Variants in DPY19L3 observed in about 807,000 individuals in gnomAD.
The protein encoded by DPY19L3 is dpy-19 like C-mannosyltransferase 3.
A neutral mutation model predicts 92.3 loss-of-function variants in DPY19L3; 51 were observed. The observed-to-expected ratio is 0.55, with a 90% CI of 0.44 to 0.70. DPY19L3 has a LOEUF of 0.70. DPY19L3 is among the 30% of genes least tolerant of loss of function. The pLI, the probability that DPY19L3 is intolerant of heterozygous loss-of-function variation, is 0.00. For missense variants in DPY19L3, 706 were observed against 855.9 expected, an observed-to-expected ratio of 0.82 and a Z score of 2.18; for synonymous variants, 309 against 315.2, an observed-to-expected ratio of 0.98 and a Z score of 0.21.
Position 32,454,950 on chromosome 19 carries a change from A to T in DPY19L3, c.999A>T (p.Lys333Asn). Residue 333 changes from lysine (K) to asparagine (N), a missense_variant, in exon 10 of 19, where the codon AAA (lysine) becomes AAT (asparagine). Lys to Asn is a moderately conservative substitution (Grantham distance 94). Coordinates refer to ENST00000392250, the MANE Select transcript of DPY19L3 (RefSeq NM_001172774.2). ...FIARKLQKNL[K>N]TGSFLNRLGK... ...CTTTTAATTTCTAGAAAAATCTGAA[A>T]ACTGGAAGCTTCCTTAATAGGCTTG... 1 of 1,560,476 alleles carries T rather than the reference A, an allele frequency of 6.4e-7. No individual in the cohort carries two copies. Among genetic ancestry groups the T allele is most frequent in the Non-Finnish European group, 8.6e-7 (1 of 1,161,704 alleles).
At chr19:32,470,965 A>G (rs530200640) in intron 16 of DPY19L3, among the ~76,000 whole-genome samples, 2 of 152,256 alleles carry the variant, frequency 1.3e-5, no homozygotes, top group East Asian at 3.9e-4. Context: ...TGATGAATGT[A>G]TGCCAAAATA....
At chr19:32,477,713 C>T in intron 17 of DPY19L3, 59 bp downstream of exon 17, 1 of 1,603,706 alleles carries the variant, frequency 6.2e-7, no homozygotes, top group Non-Finnish European at 8.5e-7. Context: ...CTGCGTGTCC[C>T]TATGTGTGGT....
chr19:32,445,383 G>A (rs1422883942), intron 8 of DPY19L3, among the ~76,000 whole-genome samples: 1 of 126,148 alleles, frequency 7.9e-6, no homozygotes, highest in Non-Finnish European at 1.6e-5. Flanking sequence ...GGAGCTTGCA[G>A]TGAGTCTAGA....
At chr19:32,435,656 G>C (rs1969114169) in intron 4 of DPY19L3, among the ~76,000 whole-genome samples, 1 of 152,224 alleles carries the variant, frequency 6.6e-6, no homozygotes, top group Non-Finnish European at 1.5e-5. Context: ...CAGTAGGTGA[G>C]AACTAGCATC....
intron 18 of DPY19L3, chr19:32,481,139 G>A (rs765109587): frequency 3.0e-5 from 6 of 198,736 alleles, no homozygotes; most frequent in Admixed American, 1.8e-4. Context: ...GCTATGCCAG[G>A]TCTCAGTAGA....
At chr19:32,410,826 GC>G (rs1446861723) in intron 2 of DPY19L3, among the ~76,000 whole-genome samples, 2 of 152,122 alleles carry the variant, frequency 1.3e-5, no homozygotes, top group Non-Finnish European at 2.9e-5. Flanking sequence ...TTTTAAAATA[GC>G]TTTTAAAGAA....
intron 5 of DPY19L3, 70 bp from the exon 6 acceptor site, chr19:32,437,124 C>A: frequency 1.3e-6 from 2 of 1,579,288 alleles, no homozygotes; most frequent in South Asian, 2.3e-5. Context: ...TTCCTACTGT[C>A]ATGTTTTAAA....
At chr19:32,406,318 GC>G (rs1967945648) in intron 1 of DPY19L3, 1 of 152,358 alleles carries the variant, frequency 6.6e-6, no homozygotes, top group Admixed American at 6.5e-5. Flanking sequence ...CGGACCCGGT[GC>G]CTGCCTCGTC....
chr19:32,451,052 A>T (rs1428244914), intron 8 of DPY19L3, among the ~76,000 whole-genome samples: 3 of 152,324 alleles, frequency 2.0e-5, no homozygotes, highest in East Asian at 1.9e-4. Context: ...TATGTAACTA[A>T]TCAGACAATT....
chr19:32,447,555 A>G (rs1358166753), intron 8 of DPY19L3, among the ~76,000 whole-genome samples: 1 of 152,032 alleles, frequency 6.6e-6, no homozygotes, highest in Non-Finnish European at 1.5e-5. Context: ...TGTCTCTACT[A>G]AAAATAGAAA....
intron 8 of DPY19L3, among the ~76,000 whole-genome samples, chr19:32,445,890 A>C (rs577542082): frequency 6.6e-6 from 1 of 151,970 alleles, no homozygotes; most frequent in Non-Finnish European, 1.5e-5. Context: ...AATCCCAGCT[A>C]CTCAGGAGGC....
In DPY19L3 at chr19:32,456,672, T is replaced by A. The variant is rs530446425; in HGVS notation, c.1090-1428T>A. On this transcript the variant is annotated intron_variant, in intron 10 of 18. Coordinates refer to ENST00000392250, the MANE Select transcript of DPY19L3 (RefSeq NM_001172774.2). ...TGGTCTCAAACACCTGGGCTCAAGG[T>A]ATGCTCCCACTTCAGCCTCCCACAG... is the stretch of plus-strand genomic sequence containing the variant. 3.9e-5 allele frequency among the ~76,000 whole-genome samples: 6 copies of A among 152,086 alleles called. No homozygotes were observed. The South Asian group carries it at 1.2e-3, about 32-fold the overall frequency.
At chr19:32,444,232 A>G (rs1410870140) in intron 8 of DPY19L3, among the ~76,000 whole-genome samples, 2 of 152,138 alleles carry the variant, frequency 1.3e-5, no homozygotes, top group Non-Finnish European at 2.9e-5. Flanking sequence ...TGAAAATACA[A>G]ACTCTAAGCA....
intron 8 of DPY19L3, among the ~76,000 whole-genome samples, chr19:32,449,327 T>G (rs887198809): frequency 1.3e-5 from 2 of 152,174 alleles, no homozygotes; most frequent in African/African-American, 2.4e-5. Context: ...TACTTACTGT[T>G]GTTAAGATGG....
intron 16 of DPY19L3, among the ~76,000 whole-genome samples, chr19:32,474,061 C>T (rs1970433340): frequency 6.6e-6 from 1 of 152,112 alleles, no homozygotes; most frequent in Non-Finnish European, 1.5e-5. Context: ...CCTCAGCCTC[C>T]CAAAGTGTTG....
intron 4 of DPY19L3, among the ~76,000 whole-genome samples, chr19:32,433,531 C>T (rs988718584): frequency 6.6e-5 from 10 of 152,182 alleles, no homozygotes; most frequent in African/African-American, 2.4e-4. Flanking sequence ...AGTCCTCCTG[C>T]CTCAGCCTCT....
intron 8 of DPY19L3, among the ~76,000 whole-genome samples, chr19:32,440,567 T>C (rs1198128906): frequency 2.0e-5 from 3 of 152,220 alleles, no homozygotes; most frequent in Non-Finnish European, 4.4e-5. Context: ...GGATTTGTGC[T>C]CATTTATTCC....
chr19:32,449,545 G>A (rs544206887), intron 8 of DPY19L3, among the ~76,000 whole-genome samples: 30 of 152,246 alleles, frequency 2.0e-4, no homozygotes, highest in African/African-American at 7.2e-4. Flanking sequence ...ATAGTAATCA[G>A]GACAGTGTGA....
At chr19:32,436,820 C>T (rs554054704) in intron 5 of DPY19L3, among the ~76,000 whole-genome samples, 2 of 152,270 alleles carry the variant, frequency 1.3e-5, no homozygotes, top group Non-Finnish European at 1.5e-5. Context: ...TAAATATTTT[C>T]ATTTGCTCTC....
Sources: allele counts gnomAD v4.1 joint callset (sites outside exome capture counted in the v4.1 genomes callset), GRCh38; gene constraint gnomAD v4.1.1; transcripts MANE v1.5; gene names NCBI Gene and HGNC (gene_info 2026-07-23, HGNC 2026-07-21).